PACS1: variants seen among roughly 807,000 people sequenced by gnomAD.
The protein encoded by PACS1 is PACS-1.
PACS1 carries 24 observed loss-of-function variants against 115.0 expected under a neutral mutation model. That is an observed-to-expected ratio of 0.21 (90% CI 0.15 to 0.29). The LOEUF is 0.29. Ranked by LOEUF, PACS1 falls within the 10% of genes least tolerant of loss-of-function variation. The pLI, the probability that PACS1 is intolerant of heterozygous loss-of-function variation, is 1.00. For missense variants in PACS1, 838 were observed against 1,251.2 expected (o/e 0.67, Z 4.98); for synonymous variants, 453 against 504.5 (o/e 0.90, Z 1.37).
intron 1 of PACS1, among the ~76,000 whole-genome samples, chr11:66,089,577 T>C (rs1857623521): frequency 6.6e-6 from 1 of 152,112 alleles, no homozygotes; most frequent in Non-Finnish European, 1.5e-5. Flanking sequence ...TGATTTGGGG[T>C]CTATGACCTT....
At chr11:66,099,437 G>A (rs1418519099) in intron 1 of PACS1, among the ~76,000 whole-genome samples, 1 of 151,854 alleles carries the variant, frequency 6.6e-6, no homozygotes, top group African/African-American at 2.4e-5. Flanking sequence ...TGTTAGCCAG[G>A]ATGTTCTCAA....
At position 66,169,903 on chromosome 11, in the gene PACS1, T is replaced by A. The variant is rs531098435; in HGVS notation, c.357-23583T>A. Among the ~76,000 whole-genome samples, 6 of 150,568 alleles carry A rather than the reference T, an allele frequency of 4.0e-5. No individual in the cohort carries two copies. The East Asian group carries it at 9.6e-4, about 24-fold the overall frequency. On this transcript the variant is annotated intron_variant, in intron 1 of 23. Coordinates refer to ENST00000320580, the MANE Select transcript of PACS1 (RefSeq NM_018026.4). ...AATGTATATAAGATTAAAATGATAT[T>A]TTCTTTGAACGTTTGGTAGAATTTG...
At chr11:66,175,446 C>G (rs1258846965) in intron 1 of PACS1, among the ~76,000 whole-genome samples, 1 of 152,140 alleles carries the variant, frequency 6.6e-6, no homozygotes, top group East Asian at 1.9e-4. Flanking sequence ...GCCATTGGCC[C>G]TTTGAATAAT....
intron 1 of PACS1, among the ~76,000 whole-genome samples, chr11:66,151,387 G>A (rs1262219184): frequency 6.6e-6 from 1 of 152,122 alleles, no homozygotes; most frequent in African/African-American, 2.4e-5. Flanking sequence ...TGAAAACTTA[G>A]GAGGAAATCA....
At chr11:66,173,541 C>A (rs576737710) in intron 1 of PACS1, among the ~76,000 whole-genome samples, 1 of 152,048 alleles carries the variant, frequency 6.6e-6, no homozygotes, top group South Asian at 2.1e-4. Context: ...AACCCTGTCT[C>A]TACTAAAAAA....
intron 1 of PACS1, among the ~76,000 whole-genome samples, chr11:66,157,683 G>C (rs1348021333): frequency 2.0e-5 from 3 of 151,992 alleles, no homozygotes; most frequent in Non-Finnish European, 4.4e-5. Context: ...CTACCTTCCT[G>C]TCTTGGCTGT....
In PACS1 at chr11:66,243,328, A is replaced by C; in HGVS notation, c.*48A>C. ...CCCTCCTGGCACTGCCACCAGCCTC[A>C]CCGCCTGCGGGCAGGGGGAGGCCAG... On this transcript the variant is annotated 3_prime_UTR_variant, in exon 24 of 24. Transcript: ENST00000320580. 196 of 1,331,588 alleles carry C rather than the reference A, an allele frequency of 1.5e-4. No homozygotes were observed. Among genetic ancestry groups the C allele is most frequent in the Non-Finnish European group, 1.9e-4 (183 of 954,348 alleles). 82.5% of individuals were successfully genotyped at this position (1,331,588 alleles called of 1,614,324 possible).
chr11:66,088,485 T>C (rs1453721973), intron 1 of PACS1, among the ~76,000 whole-genome samples: 1 of 152,206 alleles, frequency 6.6e-6, no homozygotes, highest in Non-Finnish European at 1.5e-5. Flanking sequence ...TACTCAACCC[T>C]GTACCATTTA....
chr11:66,098,737 T>G (rs922159837), intron 1 of PACS1, among the ~76,000 whole-genome samples: 1 of 152,226 alleles, frequency 6.6e-6, no homozygotes, highest in East Asian at 1.9e-4. Context: ...CCCTCCAGTC[T>G]GGGATCATCC....
chr11:66,134,984 G>A (rs897068762), intron 1 of PACS1, among the ~76,000 whole-genome samples: 1 of 152,090 alleles, frequency 6.6e-6, no homozygotes, highest in Non-Finnish European at 1.5e-5. Flanking sequence ...GCTGAGGTAG[G>A]TGGATCACCT....
intron 14 of PACS1, 68 bp downstream of exon 14, chr11:66,232,344 T>C: frequency 1.1e-6 from 1 of 896,496 alleles, no homozygotes; most frequent in East Asian, 2.4e-5. Flanking sequence ...GCATTGTCAG[T>C]GTGGCCTCCA....
At chr11:66,073,916 CTTTTTTTTT>C (rs34145797) in intron 1 of PACS1, among the ~76,000 whole-genome samples, 2 of 76,944 alleles carry the variant, frequency 2.6e-5, no homozygotes, top group Non-Finnish European at 2.4e-5. Flanking sequence ...TCACACCTGG[CTTTTTTTTT>C]TTTTTTTTTT....
chr11:66,187,376 A>C (rs373523770), intron 1 of PACS1, among the ~76,000 whole-genome samples: 1 of 152,114 alleles, frequency 6.6e-6, no homozygotes, highest in African/African-American at 2.4e-5. Flanking sequence ...TATTAACTGT[A>C]GTCATCTTTC....
In PACS1 at chr11:66,209,861, C is replaced by T. The variant is rs186608271; in HGVS notation, c.445-501C>T. ...CGGAGGTTGCAGTGCGCCGAGATCACGCCACTGCAGTCCAGCCTGGGTGAC... is the reference window on the plus strand; with the variant it reads ...CGGAGGTTGCAGTGCGCCGAGATCATGCCACTGCAGTCCAGCCTGGGTGAC... On this transcript the variant is annotated intron_variant, in intron 2 of 23. Transcript: ENST00000320580. Among the ~76,000 whole-genome samples the T allele has an allele frequency of 6.3e-3, 955 of 151,944 alleles. 6 individuals carry two copies. The highest frequency in any genetic ancestry group is 9.7e-3 in the Non-Finnish European group (662 of 67,966).
At chr11:66,160,591 G>T (rs1214094684) in intron 1 of PACS1, among the ~76,000 whole-genome samples, 2 of 151,676 alleles carry the variant, frequency 1.3e-5, no homozygotes, top group Non-Finnish European at 2.9e-5. Flanking sequence ...CAATCTCCTG[G>T]GCTCGAGTGA....
chr11:66,136,612 C>T (rs1424050198), intron 1 of PACS1, among the ~76,000 whole-genome samples: 1 of 152,026 alleles, frequency 6.6e-6, no homozygotes, highest in Non-Finnish European at 1.5e-5. Context: ...CCTCAGTAAT[C>T]GTGCAGTTTA....
intron 3 of PACS1, 76 bp downstream of exon 3, chr11:66,210,527 C>T (rs540177564): frequency 9.4e-7 from 1 of 1,062,362 alleles, no homozygotes; most frequent in African/African-American, 1.6e-5. Flanking sequence ...AACCCAGAGA[C>T]TGTTTTATCC....
At chr11:66,111,806 C>T (rs992878404) in intron 1 of PACS1, among the ~76,000 whole-genome samples, 7 of 152,106 alleles carry the variant, frequency 4.6e-5, no homozygotes, top group South Asian at 2.1e-4. Flanking sequence ...TGCGCCACCA[C>T]GCCCAGCTAA....
chr11:66,080,388 G>T (rs1056947763), intron 1 of PACS1, among the ~76,000 whole-genome samples: 1 of 152,106 alleles, frequency 6.6e-6, no homozygotes, highest in Non-Finnish European at 1.5e-5. Flanking sequence ...AGCGAGTAGG[G>T]TCACAAAGAA....
Sources: allele counts gnomAD v4.1 joint callset (sites outside exome capture counted in the v4.1 genomes callset), GRCh38; gene constraint gnomAD v4.1.1; transcripts MANE v1.5; gene names NCBI Gene and HGNC (gene_info 2026-07-23, HGNC 2026-07-21).